Variants in TRIM56 observed in about 807,000 individuals in gnomAD.
The protein encoded by TRIM56 is E3 ubiquitin-protein ligase TRIM56.
TRIM56 carries 10 observed loss-of-function variants against 17.1 expected under a neutral mutation model. The observed-to-expected ratio is 0.58, with a 90% CI of 0.36 to 0.99. The LOEUF (loss-of-function observed/expected upper bound fraction) is 0.99. Ranked by LOEUF, TRIM56 falls within the 50% of genes least tolerant of loss-of-function variation. TRIM56 has a pLI of 0.01. For synonymous variants in TRIM56, 503 were observed against 473.5 expected, an observed-to-expected ratio of 1.06 and a Z score of -0.81; for missense variants, 923 against 1,052.3, an observed-to-expected ratio of 0.88 and a Z score of 1.70.
chr7:101,089,476 C>T lies in TRIM56; in HGVS notation c.2164C>T (p.Leu722=). 1 of 1,614,258 alleles carries T rather than the reference C, an allele frequency of 6.2e-7. No homozygotes were observed. ...LGDFLTAYHG[L]EKPRVTTMVD... is the part of the protein sequence containing the mutation. ...AGACTTCCTGACAGCCTACCACGGC[C>T]TGGAAAAGCCCCGGGTTACCACCAT... The change falls in exon 3 of 3, where the codon CTG becomes TTG. Residue 722 remains leucine, a synonymous_variant. Coordinates refer to ENST00000306085, the MANE Select transcript of TRIM56 (RefSeq NM_030961.3).
chr7:101,092,345 G>A lies in TRIM56; in HGVS notation c.*2765G>A. 5.7e-6 allele frequency: 1 copy of A among 173,948 alleles called. No individual in the cohort carries two copies. The highest frequency in any genetic ancestry group is 1.2e-5 in the Non-Finnish European group (1 of 82,594). The allele number at this position is 173,948 out of a possible 1,614,324, so 10.8% of individuals were successfully genotyped here. A position where few individuals can be genotyped will look rare whatever the true frequency, so the allele number is the denominator to read the frequency against. ...CGCCATCCCATCTAGGAAGTGAGGA[G>A]TGTCTCTGCCCGGCTGCCCATCATC... is the stretch of plus-strand genomic sequence containing the variant. On this transcript the variant is annotated 3_prime_UTR_variant, in exon 3 of 3. Transcript: ENST00000306085.
rs1795607232 is a variant in TRIM56, at chr7:101,093,200, G to C, written c.*3620G>C. 5.7e-6 allele frequency: 1 copy of C among 175,770 alleles called. No homozygotes were observed. The highest frequency in any genetic ancestry group is 1.2e-5 in the Non-Finnish European group (1 of 86,816). The allele number at this position is 175,770 out of a possible 1,614,324, so 10.9% of individuals were successfully genotyped here. On this transcript the variant is annotated 3_prime_UTR_variant, in exon 3 of 3. Transcript: ENST00000306085. ...AGTACCCAGGGACACAAACACTGCG[G>C]AAGGCCGCAGGGTCGTCTGCCTAGG...
In TRIM56 at chr7:101,088,237, G is replaced by A. The variant is rs1056116064; in HGVS notation, c.925G>A (p.Ala309Thr). The A allele has an allele frequency of 1.5e-5, 22 of 1,464,056 alleles. No individual in the cohort carries two copies. The highest frequency in any genetic ancestry group is 2.6e-5 in the Admixed American group (1 of 38,298). The allele number at this position is 1,464,056 out of a possible 1,614,324, so 90.7% of individuals were successfully genotyped here. ...EQVARAAAAF[A>T]RRVLSLGREA... is the part of the protein sequence containing the mutation. ...GGTGGCCAGGGCCGCAGCCGCCTTC[G>A]CCCGCCGGGTACTCAGCCTGGGGCG... Residue 309 changes from alanine to threonine, a missense_variant, in exon 3 of 3, where the codon GCC becomes ACC. Ala to Thr is a moderately conservative substitution (Grantham distance 58). Coordinates refer to ENST00000306085, the MANE Select transcript of TRIM56 (RefSeq NM_030961.3).
chr7:101,087,212 G>A, intron 2 of TRIM56, 44 bp downstream of exon 2: 1 of 1,152,648 alleles, frequency 8.7e-7, no homozygotes, highest in African/African-American at 1.5e-5. Context: ...TCAGCCCCTA[G>A]CCCTGGGGAT....
At position 101,096,565 on chromosome 7, in the gene TRIM56, C is replaced by T. The variant is rs192246386; in HGVS notation, c.*6985C>T. On this transcript the variant is annotated 3_prime_UTR_variant, in exon 3 of 3. Coordinates refer to ENST00000306085, the MANE Select transcript of TRIM56 (RefSeq NM_030961.3). The stretch of plus-strand genomic sequence containing the variant: ...TGGGATAATGACATCCACATGCCCA[C>T]TTCACAGAGCTGCTGTGAGGACTGG... 6.6e-6 allele frequency: 1 copy of T among 152,354 alleles called. No individual in the cohort carries two copies. The highest frequency in any genetic ancestry group is 1.5e-5 in the Non-Finnish European group (1 of 68,052). The allele number at this position is 152,354 out of a possible 1,614,324, so 9.4% of individuals were successfully genotyped here. A position where few individuals can be genotyped will look rare whatever the true frequency, so the allele number is the denominator to read the frequency against.
Position 101,093,587 on chromosome 7 carries a change from T to C in TRIM56, c.*4007T>C, listed in dbSNP as rs1795614206. The C allele has an allele frequency of 6.7e-6, 1 of 150,234 alleles. No individual in the cohort carries two copies. Among genetic ancestry groups the C allele is most frequent in the Non-Finnish European group, 1.5e-5 (1 of 67,792 alleles). 9.3% of individuals were successfully genotyped at this position (150,234 alleles called of 1,614,324 possible). ...GCTCACACCTGTAATCCCAGCACTT[T>C]GGGAGGCTGAGGTGGGTGGATCACC... is the stretch of plus-strand genomic sequence containing the variant. On this transcript the variant is annotated 3_prime_UTR_variant, in exon 3 of 3. Transcript: ENST00000306085.
Position 101,087,336 on chromosome 7 carries a change from C to G in TRIM56, c.24C>G (p.Pro8=). 6.2e-7 allele frequency: 1 copy of G among 1,612,780 alleles called. No homozygotes were observed. The highest frequency in any genetic ancestry group is 8.5e-7 in the Non-Finnish European group (1 of 1,179,686). The change falls in exon 3 of 3, where the codon CCC becomes CCG. Residue 8 remains proline, a synonymous_variant. Transcript: ENST00000306085. MVSHGSS[P]SLLEALSSDF... is the part of the protein sequence containing the mutation. Reference sequence around the variant, plus strand: ...GCATGGTTTCCCACGGGTCCTCGCCCTCCCTCCTGGAGGCCCTGAGCAGCG... The same window carrying G: ...GCATGGTTTCCCACGGGTCCTCGCCGTCCCTCCTGGAGGCCCTGAGCAGCG...
rs990117873 is a variant in TRIM56, at chr7:101,095,680, G to C, written c.*6100G>C. On this transcript the variant is annotated 3_prime_UTR_variant, in exon 3 of 3. Coordinates refer to ENST00000306085, the MANE Select transcript of TRIM56 (RefSeq NM_030961.3). ...CAAGTGGCTTCTCGGGAAGCTGTAA[G>C]AATCCACAGGGCATTGTAAGATGGA... The C allele has an allele frequency of 4.6e-5, 7 of 152,324 alleles. No homozygotes were observed. The highest frequency in any genetic ancestry group is 3.9e-4 in the Admixed American group (6 of 15,300). The allele number at this position is 152,324 out of a possible 1,614,324, so 9.4% of individuals were successfully genotyped here.
chr7:101,094,035 A>AT lies in TRIM56; in HGVS notation c.*4456dup, dbSNP rs1305192813. On this transcript the variant is annotated 3_prime_UTR_variant, in exon 3 of 3. Transcript: ENST00000306085. ...TTGGGGAATACATTCTGGGAAAATAATGTAAGAGAAAAAATATTTGCATAC... is the reference window on the plus strand; with the variant it reads ...TTGGGGAATACATTCTGGGAAAATAATTGTAAGAGAAAAAATATTTGCATAC... The AT allele has an allele frequency of 6.6e-6, 1 of 152,184 alleles. No homozygotes were observed. The highest frequency in any genetic ancestry group is 1.5e-5 in the Non-Finnish European group (1 of 68,030). The allele number at this position is 152,184 out of a possible 1,614,324, so 9.4% of individuals were successfully genotyped here.
Position 101,087,644 on chromosome 7 carries a change from G to A in TRIM56, c.332G>A (p.Ser111Asn). ...CALCPLVGGT[S>N]TGGPATARCL... Reference sequence around the variant, plus strand: ...CTGTGTCCCCTGGTGGGTGGCACCAGCACCGGGGGGCCGGCCACGGCCCGG... The same window carrying A: ...CTGTGTCCCCTGGTGGGTGGCACCAACACCGGGGGGCCGGCCACGGCCCGG... Residue 111 changes from serine to asparagine, a missense_variant, in exon 3 of 3, where the codon AGC (serine) becomes AAC (asparagine). Ser to Asn is a conservative substitution (Grantham distance 46). Coordinates refer to ENST00000306085, the MANE Select transcript of TRIM56 (RefSeq NM_030961.3). The A allele has an allele frequency of 1.9e-6, 3 of 1,608,656 alleles. No homozygotes were observed. The highest frequency in any genetic ancestry group is 2.5e-6 in the Non-Finnish European group (3 of 1,178,112).
In TRIM56 at chr7:101,092,541, C is replaced by G. The variant is rs1235323395; in HGVS notation, c.*2961C>G. The stretch of plus-strand genomic sequence containing the variant: ...CGCCCCGTCTGAGAAGTGAGGAGCC[C>G]CTCCGCCCGGCAGCCGCCCCGTCCG... On this transcript the variant is annotated 3_prime_UTR_variant, in exon 3 of 3. Transcript: ENST00000306085. The G allele has an allele frequency of 1.0e-4, 16 of 159,894 alleles. No homozygotes were observed. Among genetic ancestry groups the G allele is most frequent in the African/African-American group, 4.0e-4 (16 of 39,584 alleles). The allele number at this position is 159,894 out of a possible 1,614,324, so 9.9% of individuals were successfully genotyped here.
At position 101,089,230 on chromosome 7, in the gene TRIM56, C is replaced by G. The variant is rs763883724; in HGVS notation, c.1918C>G (p.Leu640Val). 2.5e-6 allele frequency: 4 copies of G among 1,613,764 alleles called. No individual in the cohort carries two copies. The highest frequency in any genetic ancestry group is 3.4e-6 in the Non-Finnish European group (4 of 1,179,758). The stretch of plus-strand genomic sequence containing the variant: ...CCGGGGCCTGCGGGCGCTGGTGTTT[C>G]TGACCACCAGCCCCCAGGGGCATTT... ...ASRGLRALVFLTTSPQGHFVG... is the reference protein window; with the variant it reads ...ASRGLRALVFVTTSPQGHFVG... Residue 640 changes from leucine (L) to valine (V), a missense_variant, in exon 3 of 3, where the codon CTG becomes GTG. This residue lies in a region of TRIM56 where 182 missense variants were observed against 243.1 expected (regional missense o/e 0.75). Transcript: ENST00000306085.
rs1200754582 is a variant in TRIM56, at chr7:101,091,792, T to TC, written c.*2215dup. On this transcript the variant is annotated 3_prime_UTR_variant, in exon 3 of 3. Transcript: ENST00000306085. ...TCTCCCTCTCCCTCTCCCCACGGTC[T>TC]CCCTCTGCCTCTCTTTCCATGGTCA... The TC allele has an allele frequency of 1.1e-5, 5 of 436,946 alleles. No individual in the cohort carries two copies. Among genetic ancestry groups the TC allele is most frequent in the Non-Finnish European group, 2.3e-5 (5 of 221,690 alleles). The allele number at this position is 436,946 out of a possible 1,614,324, so 27.1% of individuals were successfully genotyped here.
chr7:101,089,648 G>A lies in TRIM56; in HGVS notation c.*68G>A. 2.1e-6 allele frequency: 3 copies of A among 1,443,336 alleles called. No homozygotes were observed. Among genetic ancestry groups the A allele is most frequent in the Non-Finnish European group, 1.9e-6 (2 of 1,068,888 alleles). 89.4% of individuals were successfully genotyped at this position (1,443,336 alleles called of 1,614,324 possible). Reference sequence around the variant, plus strand: ...CAGGAAGGAGGCAGAGCTGTCCGTGGGAGGTGGAGGCCGAGGACATTTTCC... The same window carrying A: ...CAGGAAGGAGGCAGAGCTGTCCGTGAGAGGTGGAGGCCGAGGACATTTTCC... On this transcript the variant is annotated 3_prime_UTR_variant, in exon 3 of 3. Transcript: ENST00000306085.
In TRIM56 at chr7:101,089,241, C is replaced by A; in HGVS notation, c.1929C>A (p.Ser643Arg). The A allele has an allele frequency of 1.9e-6, 3 of 1,612,792 alleles. No individual in the cohort carries two copies. The highest frequency in any genetic ancestry group is 2.5e-6 in the Non-Finnish European group (3 of 1,179,024). The change falls in exon 3 of 3, where the codon AGC becomes AGA. Residue 643 changes from serine to arginine, a missense_variant. By Grantham distance (110) the Ser-to-Arg change is moderately radical (BLOSUM62 -1). Transcript: ENST00000306085. ...GLRALVFLTT[S>R]PQGHFVGSDW... ...GGGCGCTGGTGTTTCTGACCACCAGCCCCCAGGGGCATTTCGTGGGGTCGG... is the reference window on the plus strand; with the variant it reads ...GGGCGCTGGTGTTTCTGACCACCAGACCCCAGGGGCATTTCGTGGGGTCGG...
rs1795572153 is a variant in TRIM56, at chr7:101,091,892, A to C, written c.*2312A>C. The C allele has an allele frequency of 6.3e-6, 2 of 318,730 alleles. No homozygotes were observed. The highest frequency in any genetic ancestry group is 8.4e-5 in the Admixed American group (2 of 23,822). The allele number at this position is 318,730 out of a possible 1,614,324, so 19.7% of individuals were successfully genotyped here. On this transcript the variant is annotated 3_prime_UTR_variant, in exon 3 of 3. Transcript: ENST00000306085. The stretch of plus-strand genomic sequence containing the variant: ...CGGCTCACTGCAACCTCCCTGCCTG[A>C]TTCTCCTGCCTCAGCCTGCCGAGTG...
rs1470803224 is a variant in TRIM56 at position 101,091,736 on chromosome 7, A to G, written c.*2156A>G. ...GAATGAAACTCCATCTCAAAAAAAA[A>G]GAAAAAGAAAAGAAAGAAAACCAAG... On this transcript the variant is annotated 3_prime_UTR_variant, in exon 3 of 3. Coordinates refer to ENST00000306085, the MANE Select transcript of TRIM56 (RefSeq NM_030961.3). 9.0e-6 allele frequency: 4 copies of G among 443,616 alleles called. No homozygotes were observed. The highest frequency in any genetic ancestry group is 7.2e-4 in the Middle Eastern group (1 of 1,398). The allele number at this position is 443,616 out of a possible 1,614,324, so 27.5% of individuals were successfully genotyped here.
Position 101,088,986 on chromosome 7 carries a change from G to A in TRIM56, c.1674G>A (p.Leu558=), listed in dbSNP as rs756440240. ...EGCSPCSVAA[L]QSAVAFSASA... ...GCTCCCCTTGCAGCGTGGCCGCCCT[G>A]CAGAGCGCGGTGGCCTTCTCCGCTA... Residue 558 remains leucine (L), a synonymous_variant, in exon 3 of 3, where the codon CTG becomes CTA. Coordinates refer to ENST00000306085, the MANE Select transcript of TRIM56 (RefSeq NM_030961.3). The A allele has an allele frequency of 8.1e-6, 13 of 1,610,384 alleles. No homozygotes were observed. Among genetic ancestry groups the A allele is most frequent in the Non-Finnish European group, 1.0e-5 (12 of 1,179,960 alleles).
Position 101,087,510 on chromosome 7 carries a change from G to A in TRIM56, c.198G>A (p.Pro66=), listed in dbSNP as rs749441344. ...AGTGCCGCGAGACAGTGCCTGTGCCGCCCGAGGGTGTGGCCTCCTTCAAGA... is the reference window on the plus strand; with the variant it reads ...AGTGCCGCGAGACAGTGCCTGTGCCACCCGAGGGTGTGGCCTCCTTCAAGA... ...CPECRETVPV[P]PEGVASFKTN... is the part of the protein sequence containing the mutation. The change falls in exon 3 of 3, where the codon CCG becomes CCA. Residue 66 remains proline (P), a synonymous_variant. Transcript: ENST00000306085. 6.2e-5 allele frequency: 100 copies of A among 1,613,236 alleles called. No homozygotes were observed. Among genetic ancestry groups the A allele is most frequent in the Non-Finnish European group, 6.2e-5 (73 of 1,179,708 alleles).
Sources: gnomAD v4.1 joint callset for allele counts on GRCh38, gnomAD v4.1.1 for gene constraint, gnomAD v4.1.1 regional missense constraint, MANE v1.5 for transcripts, NCBI Gene and HGNC (gene_info 2026-07-23, HGNC 2026-07-21) for gene names.